The following MBOAT1 variants were observed in gnomAD, a reference collection of about 807,000 sequenced individuals.
MBOAT1 encodes membrane bound glycerophospholipid O-acyltransferase 1.
A neutral mutation model predicts 64.4 loss-of-function variants in MBOAT1; 67 were observed. That is an observed-to-expected ratio of 1.04 (90% CI 0.85 to 1.27). The LOEUF is 1.27. MBOAT1 is among the 50% of genes most tolerant of loss of function. The pLI, the probability that MBOAT1 is intolerant of heterozygous loss-of-function variation, is 0.00. For synonymous variants in MBOAT1, 229 were observed against 218.9 expected, an observed-to-expected ratio of 1.05 and a Z score of -0.41; for missense variants, 563 against 604.6, an observed-to-expected ratio of 0.93 and a Z score of 0.72.
chr6:20,165,372 C>T (rs1408298716), intron 1 of MBOAT1, among the ~76,000 whole-genome samples: 5 of 152,000 alleles, frequency 3.3e-5, no homozygotes, highest in African/African-American at 1.2e-4. Context: ...ACTCCATACA[C>T]CCTGCTTCAC....
At chr6:20,192,132 G>C (rs369168114) in intron 1 of MBOAT1, among the ~76,000 whole-genome samples, 1 of 151,996 alleles carries the variant, frequency 6.6e-6, no homozygotes, top group Non-Finnish European at 1.5e-5. Context: ...AAGAACTAAC[G>C]TTTACCTGAT....
At chr6:20,144,607 C>G (rs1415146873) in intron 3 of MBOAT1, among the ~76,000 whole-genome samples, 1 of 152,226 alleles carries the variant, frequency 6.6e-6, no homozygotes, top group East Asian at 1.9e-4. Context: ...TCCTGCCACA[C>G]CTGGTAGGTG....
intron 11 of MBOAT1, among the ~76,000 whole-genome samples, chr6:20,110,849 T>C (rs1050963652): frequency 6.6e-6 from 1 of 152,244 alleles, no homozygotes; most frequent in Admixed American, 6.5e-5. Flanking sequence ...CATTTTGCTA[T>C]TATAAACAAT....
intron 8 of MBOAT1, among the ~76,000 whole-genome samples, chr6:20,119,120 T>G (rs1760419202): frequency 6.6e-6 from 1 of 152,076 alleles, no homozygotes; most frequent in African/African-American, 2.4e-5. Context: ...AAGATGGGGT[T>G]AAAAAAAGTT....
chr6:20,159,050 C>T (rs996398903), intron 1 of MBOAT1, among the ~76,000 whole-genome samples: 2 of 152,160 alleles, frequency 1.3e-5, no homozygotes, highest in African/African-American at 4.8e-5. Context: ...GCCACATGAT[C>T]CAGCAATCAC....
At chr6:20,135,002 G>C (rs1015111478) in intron 4 of MBOAT1, among the ~76,000 whole-genome samples, 2 of 146,020 alleles carry the variant, frequency 1.4e-5, no homozygotes, top group African/African-American at 5.1e-5. Context: ...ATCCATAAAT[G>C]GCTCCTTGAT....
At chr6:20,104,500 T>C (rs1463860193) in intron 12 of MBOAT1, among the ~76,000 whole-genome samples, 1 of 152,232 alleles carries the variant, frequency 6.6e-6, no homozygotes, top group Non-Finnish European at 1.5e-5. Flanking sequence ...TATTCAGCAG[T>C]ATGCACAATG....
intron 12 of MBOAT1, among the ~76,000 whole-genome samples, chr6:20,107,279 C>T (rs530376111): frequency 1.2e-4 from 19 of 152,298 alleles, no homozygotes; most frequent in Admixed American, 6.5e-4. Context: ...CCCACATTCA[C>T]GTTTCTCTGG....
chr6:20,210,960 A>G (rs1395252616), intron 1 of MBOAT1, among the ~76,000 whole-genome samples: 1 of 152,126 alleles, frequency 6.6e-6, no homozygotes, highest in Non-Finnish European at 1.5e-5. Context: ...GGTCTATCTC[A>G]TCCTCACCAG....
At chr6:20,156,679 T>C (rs1442272746) in intron 1 of MBOAT1, among the ~76,000 whole-genome samples, 2 of 152,218 alleles carry the variant, frequency 1.3e-5, no homozygotes, top group Non-Finnish European at 2.9e-5. Context: ...TTCACAGAGA[T>C]GTGAAAACAT....
intron 11 of MBOAT1, among the ~76,000 whole-genome samples, chr6:20,111,262 G>A (rs1760129857): frequency 6.6e-6 from 1 of 152,270 alleles, no homozygotes; most frequent in South Asian, 2.1e-4. Flanking sequence ...GGATAGGCAG[G>A]TCAGCCCCAA....
intron 11 of MBOAT1, 101 bp downstream of exon 11, chr6:20,112,775 C>G: frequency 8.3e-6 from 11 of 1,327,558 alleles, no homozygotes; most frequent in Non-Finnish European, 1.1e-5. Context: ...TCACTCCCAC[C>G]TTCACATCCC....
At position 20,189,737 on chromosome 6, in the gene MBOAT1, A is replaced by G. The variant is rs148055571; in HGVS notation, c.99+22399T>C. The stretch of plus-strand genomic sequence containing the variant: ...AACCATCACTCTACTCTCTGCTTCT[A>G]TGAGATCAACTTTTTAAGACTCCAC... On this transcript the variant is annotated intron_variant, in intron 1 of 12. Transcript: ENST00000324607. Among the ~76,000 whole-genome samples, 4 of 151,778 alleles carry G rather than the reference A, an allele frequency of 2.6e-5. No homozygotes were observed. In the East Asian group the frequency reaches 5.8e-4, roughly 22 times the overall value.
intron 11 of MBOAT1, among the ~76,000 whole-genome samples, chr6:20,111,039 C>G (rs1312182112): frequency 6.6e-6 from 1 of 152,194 alleles, no homozygotes; most frequent in Non-Finnish European, 1.5e-5. Flanking sequence ...GGTTGATTCT[C>G]TCATCAAGCC....
In MBOAT1 at chr6:20,109,710, C is replaced by G. The variant is rs368325402; in HGVS notation, c.1249G>C (p.Ala417Pro). ...NYRHYFLSSR[A>P]LKAVYDAGTW... ...CCTGCATCATACACAGCCTTGAGAG[C>G]TCTTGAAGAAAGGAAGTAATGTCTG... Residue 417 changes from alanine to proline, a missense_variant, in exon 12 of 13, where the codon GCT (alanine) becomes CCT (proline). Transcript: ENST00000324607. 3.7e-6 allele frequency: 6 copies of G among 1,614,126 alleles called. No individual in the cohort carries two copies. Among genetic ancestry groups the G allele is most frequent in the Non-Finnish European group, 5.1e-6 (6 of 1,180,018 alleles).
intron 3 of MBOAT1, 134 bp downstream of exon 3, chr6:20,151,051 C>T: frequency 1.7e-6 from 1 of 605,192 alleles, no homozygotes; most frequent in East Asian, 2.9e-5. Context: ...CCCCATCCCT[C>T]CTGATATTCT....
Position 20,144,202 on chromosome 6 carries a change from C to G in MBOAT1, c.419+18G>C, listed in dbSNP as rs1761261016. ...AAAGTCAGCAGTAAAACCCCTCTCT[C>G]TAATGTAAGATACTTACCCAGAAAA... On this transcript the variant is annotated intron_variant, in intron 4 of 12. Transcript: ENST00000324607. The G allele has an allele frequency of 1.3e-6, 2 of 1,552,096 alleles. No individual in the cohort carries two copies. The highest frequency in any genetic ancestry group is 2.3e-5 in the South Asian group (2 of 88,788).
chr6:20,181,335 C>T (rs1355026104), intron 1 of MBOAT1, among the ~76,000 whole-genome samples: 1 of 152,168 alleles, frequency 6.6e-6, no homozygotes, highest in Non-Finnish European at 1.5e-5. Context: ...TTCACCTGCC[C>T]AGGGTGAGAC....
At chr6:20,175,405 C>T (rs897966020) in intron 1 of MBOAT1, among the ~76,000 whole-genome samples, 4 of 150,822 alleles carry the variant, frequency 2.7e-5, no homozygotes, top group African/African-American at 7.3e-5. Context: ...ACTAGAGGCA[C>T]GAGCCACTGA....
Sources: allele counts gnomAD v4.1 joint callset (sites outside exome capture counted in the v4.1 genomes callset), GRCh38; gene constraint gnomAD v4.1.1; transcripts MANE v1.5; gene names NCBI Gene and HGNC (gene_info 2026-07-23, HGNC 2026-07-21).